The following ZFAT variants were observed in gnomAD, a reference collection of about 807,000 sequenced individuals.
The protein encoded by ZFAT is zinc finger and AT-hook domain containing.
A neutral mutation model predicts 117.7 loss-of-function variants in ZFAT; 64 were observed. That is an observed-to-expected ratio of 0.54 (90% CI 0.44 to 0.67). ZFAT has a LOEUF of 0.67. Ranked by LOEUF, ZFAT falls within the 30% of genes least tolerant of loss-of-function variation. The pLI is 0.00. For synonymous variants in ZFAT, 679 were observed against 615.0 expected, an observed-to-expected ratio of 1.10 and a Z score of -1.54; for missense variants, 1,433 against 1,584.5, an observed-to-expected ratio of 0.90 and a Z score of 1.62.
chr8:134,546,960 C>T (rs1405642677), intron 11 of ZFAT, among the ~76,000 whole-genome samples: 1 of 152,196 alleles, frequency 6.6e-6, no homozygotes, highest in Non-Finnish European at 1.5e-5. Flanking sequence ...TGAGCACTTC[C>T]TGTTTAAATT....
At position 134,637,626 on chromosome 8, in the gene ZFAT, CG is replaced by C; in HGVS notation, c.282del (p.Ile94MetfsTer2). 6.2e-7 allele frequency: 1 copy of C among 1,614,230 alleles called. No homozygotes were observed. Among genetic ancestry groups the C allele is most frequent in the Non-Finnish European group, 8.5e-7 (1 of 1,180,046 alleles). On this transcript the variant is annotated frameshift_variant, in exon 3 of 16. Transcript: ENST00000377838. LOFTEE classifies it high-confidence loss of function. The part of the protein sequence containing the change: ...SSTEEELAEN[I>X]VSPTEDSPLA... ...AGCGGGCTGTCCTCAGTCGGACTCA[CG>C]ATGTTTTCTGCCAGCTCCTCTTCTG...
chr8:134,814,727 T>C, the ZFAT span, among the ~76,000 whole-genome samples: 1 of 152,234 alleles, frequency 6.6e-6, no homozygotes, highest in Non-Finnish European at 1.5e-5. Flanking sequence ...TGCCTGCAAC[T>C]TGTGTAGCAA....
At chr8:134,827,629 G>T in the ZFAT span, among the ~76,000 whole-genome samples, 1 of 151,894 alleles carries the variant, frequency 6.6e-6, no homozygotes, top group Non-Finnish European at 1.5e-5. Flanking sequence ...TTAGACAGGC[G>T]TGGTGGTGGG....
the ZFAT span, among the ~76,000 whole-genome samples, chr8:134,827,613 C>G: frequency 6.6e-6 from 1 of 151,702 alleles, no homozygotes; most frequent in African/African-American, 2.4e-5. Flanking sequence ...ACTGAAAATA[C>G]AAAAATTAGA....
At chr8:134,661,584 C>T (rs1043112090) in intron 1 of ZFAT, among the ~76,000 whole-genome samples, 2 of 152,038 alleles carry the variant, frequency 1.3e-5, no homozygotes, top group African/African-American at 4.8e-5. Flanking sequence ...GTGGCCATGG[C>T]GGAATGAGGG....
intron 14 of ZFAT, among the ~76,000 whole-genome samples, chr8:134,512,109 C>T (rs1819893425): frequency 6.6e-6 from 1 of 152,212 alleles, no homozygotes; most frequent in African/African-American, 2.4e-5. Flanking sequence ...CTCAGTCAAC[C>T]ACTAACAACC....
At chr8:134,820,642 C>T in the ZFAT span, among the ~76,000 whole-genome samples, 2 of 152,198 alleles carry the variant, frequency 1.3e-5, no homozygotes, top group Non-Finnish European at 2.9e-5. Context: ...GGCAGAACCA[C>T]AGGATGAAAA....
intron 1 of ZFAT, among the ~76,000 whole-genome samples, chr8:134,699,928 A>G (rs1833966388): frequency 6.6e-6 from 1 of 152,092 alleles, no homozygotes; most frequent in Admixed American, 6.5e-5. Flanking sequence ...ACCCGTGGGG[A>G]GCTAAGTGGC....
At chr8:134,700,747 C>T (rs555103135) in intron 1 of ZFAT, among the ~76,000 whole-genome samples, 60 of 152,332 alleles carry the variant, frequency 3.9e-4, no homozygotes, top group African/African-American at 1.4e-3. Context: ...GCTCAAACAT[C>T]ATCCTGTGGC....
chr8:134,478,578 C>A lies in ZFAT; in HGVS notation c.3636G>T (p.Thr1212=), dbSNP rs1279730246. ...VEGIETVTVY[T]QGGEASEFIV... is the part of the protein sequence containing the mutation. ...TGAACTCCGAGGCCTCCCCGCCCTGCGTGTAGACAGTCACCGTCTCAATGC... is the reference window on the plus strand; with the variant it reads ...TGAACTCCGAGGCCTCCCCGCCCTGAGTGTAGACAGTCACCGTCTCAATGC... The change falls in exon 16 of 16, where the codon ACG becomes ACT. Residue 1212 remains threonine (T), a synonymous_variant. Transcript: ENST00000377838. The surrounding 1 kb of genome is among the most constrained non-coding windows in gnomAD (Gnocchi z 5.2). 12 of 1,594,018 alleles carry A rather than the reference C, an allele frequency of 7.5e-6. No homozygotes were observed. The highest frequency in any genetic ancestry group is 1.1e-5 in the South Asian group (1 of 87,442).
intron 3 of ZFAT, among the ~76,000 whole-genome samples, chr8:134,635,233 T>C (rs760797513): frequency 3.9e-4 from 59 of 152,192 alleles, no homozygotes; most frequent in Non-Finnish European, 6.8e-4. Flanking sequence ...GCTGAACTTC[T>C]GGGCCTCCAG....
chr8:134,691,561 C>T (rs28682989), intron 1 of ZFAT, among the ~76,000 whole-genome samples: 60,693 of 152,204 alleles, frequency 0.4, 12,421 homozygotes, highest in African/African-American at 0.45. Context: ...AGCACCTGCT[C>T]GCTGGTTTTC....
chr8:134,755,770 C>G, the ZFAT span, among the ~76,000 whole-genome samples: 1 of 145,242 alleles, frequency 6.9e-6, no homozygotes, highest in Non-Finnish European at 1.5e-5. Flanking sequence ...CGAGATCACG[C>G]CACTGCACTC....
chr8:134,691,518 G>A (rs1458167375), intron 1 of ZFAT, among the ~76,000 whole-genome samples: 3 of 152,246 alleles, frequency 2.0e-5, no homozygotes, highest in Non-Finnish European at 4.4e-5. Flanking sequence ...CTGCAGGCTT[G>A]CAATTTTGCA....
At chr8:134,715,847 A>G (rs988363778), upstream of ZFAT, among the ~76,000 whole-genome samples, 10 of 152,228 alleles carry the variant, frequency 6.6e-5, no homozygotes, top group African/African-American at 2.2e-4. Flanking sequence ...TTTTATCATT[A>G]TATCCAATAT....
At chr8:134,539,936 T>C (rs1244096332) in intron 11 of ZFAT, among the ~76,000 whole-genome samples, 1 of 152,204 alleles carries the variant, frequency 6.6e-6, no homozygotes, top group Admixed American at 6.5e-5. Context: ...CCACTGCTTT[T>C]GAATCCATAT....
chr8:134,606,005 C>T (rs1211271405), intron 5 of ZFAT, among the ~76,000 whole-genome samples: 1 of 152,168 alleles, frequency 6.6e-6, no homozygotes, highest in African/African-American at 2.4e-5. Flanking sequence ...GAAGGCCTCC[C>T]TGAGGACAAG....
chr8:134,623,087 C>T (rs2131029795), intron 3 of ZFAT, among the ~76,000 whole-genome samples: 1 of 152,232 alleles, frequency 6.6e-6, no homozygotes, highest in East Asian at 1.9e-4. Flanking sequence ...CTCTGGATGA[C>T]TCCTCGCTCC....
At chr8:134,819,507 C>G in the ZFAT span, among the ~76,000 whole-genome samples, 1 of 102,426 alleles carries the variant, frequency 9.8e-6, no homozygotes, top group South Asian at 4.8e-4. Flanking sequence ...CCCCCCCCCC[C>G]CGCCCCCCAA....
Sources: gnomAD v4.1 joint callset for allele counts (sites outside exome capture counted in the v4.1 genomes callset) on GRCh38, gnomAD v4.1.1 for gene constraint, Gnocchi (gnomAD v3.1) non-coding constraint, MANE v1.5 for transcripts, NCBI Gene and HGNC (gene_info 2026-07-23, HGNC 2026-07-21) for gene names.